The following SQOR variants were observed in gnomAD, a reference collection of about 807,000 sequenced individuals.
The protein encoded by SQOR is sulfide quinone oxidoreductase.
SQOR carries 39 observed loss-of-function variants against 48.6 expected under a neutral mutation model. The ratio of observed to expected loss-of-function variants is 0.80; its 90% CI spans 0.62 to 1.05. The LOEUF (loss-of-function observed/expected upper bound fraction) is 1.05. Among genes scored for constraint, SQOR ranks in the 50% least tolerant of loss-of-function variants. The pLI, the probability that SQOR is intolerant of heterozygous loss-of-function variation, is 0.00. For missense variants in SQOR, 561 were observed against 559.9 expected, an observed-to-expected ratio of 1.00 and a Z score of -0.02; for synonymous variants, 220 against 206.2, an observed-to-expected ratio of 1.07 and a Z score of -0.57.
At chr15:45,680,769 G>C (rs1326203990) in intron 6 of SQOR, among the ~76,000 whole-genome samples, 1 of 152,076 alleles carries the variant, frequency 6.6e-6, no homozygotes, top group African/African-American at 2.4e-5. Context: ...GTTAGCTCAG[G>C]TAAAACTCCA....
intron 4 of SQOR, 99 bp downstream of exon 4, chr15:45,670,080 G>T: frequency 8.8e-7 from 1 of 1,137,444 alleles, no homozygotes; most frequent in Non-Finnish European, 1.3e-6. Flanking sequence ...ACAAGAAAGG[G>T]GTTCTAAGAA....
chr15:45,666,077 T>A (rs1027072943), intron 3 of SQOR, among the ~76,000 whole-genome samples: 1 of 152,198 alleles, frequency 6.6e-6, no homozygotes, highest in African/African-American at 2.4e-5. Flanking sequence ...ATTCTCTCCT[T>A]GTTCCTGCTC....
Position 45,669,997 on chromosome 15 carries a change from G to C in SQOR, c.459+16G>C. ...CTATGAGAAGGTACCGTGTGAAACT[G>C]TTTCTGTGTTACGCTGGCTTATCTA... On this transcript the variant is annotated intron_variant, in intron 4 of 9. Coordinates refer to ENST00000260324, the MANE Select transcript of SQOR (RefSeq NM_021199.4). The C allele has an allele frequency of 6.2e-7, 1 of 1,613,036 alleles. No individual in the cohort carries two copies. The highest frequency in any genetic ancestry group is 8.5e-7 in the Non-Finnish European group (1 of 1,179,078).
At chr15:45,663,366 C>T (rs1046515516) in intron 3 of SQOR, among the ~76,000 whole-genome samples, 1 of 152,082 alleles carries the variant, frequency 6.6e-6, no homozygotes. Context: ...TTTCTGGGTA[C>T]CAGATGAAAG....
chr15:45,634,277 T>A (rs1467300346), upstream of SQOR, among the ~76,000 whole-genome samples: 2 of 138,894 alleles, frequency 1.4e-5, no homozygotes, highest in Non-Finnish European at 3.1e-5. Context: ...CTTTCAAGGG[T>A]TTATTTTTGT....
intron 1 of SQOR, among the ~76,000 whole-genome samples, chr15:45,658,124 T>C (rs528001119): frequency 6.6e-6 from 1 of 152,188 alleles, no homozygotes; most frequent in East Asian, 1.9e-4. Flanking sequence ...TAAGGAGAAA[T>C]TGTTTACTGA....
At chr15:45,652,975 A>G (rs1327060383) in intron 1 of SQOR, among the ~76,000 whole-genome samples, 1 of 151,868 alleles carries the variant, frequency 6.6e-6, no homozygotes, top group Non-Finnish European at 1.5e-5. Context: ...AAAAGAAAAA[A>G]GAAAGATTGT....
chr15:45,637,868 C>G (rs1159511782), intron 1 of SQOR, among the ~76,000 whole-genome samples: 1 of 152,200 alleles, frequency 6.6e-6, no homozygotes, highest in African/African-American at 2.4e-5. Context: ...TTTTTCTTCT[C>G]CTTTCACGTT....
At chr15:45,650,431 G>A (rs949277140) in intron 1 of SQOR, among the ~76,000 whole-genome samples, 4 of 152,174 alleles carry the variant, frequency 2.6e-5, no homozygotes, top group Admixed American at 6.5e-5. Context: ...CCTGGCTCAG[G>A]AGTGAAGCTG....
chr15:45,636,988 CT>C (rs11303902), intron 1 of SQOR, among the ~76,000 whole-genome samples: 4,283 of 141,288 alleles, frequency 0.03, 194 homozygotes, highest in African/African-American at 0.099. Flanking sequence ...GTAACCTTGG[CT>C]TTTTTTTTTT....
intron 1 of SQOR, among the ~76,000 whole-genome samples, chr15:45,655,967 G>T (rs774062467): frequency 1.1e-4 from 17 of 151,382 alleles, no homozygotes; most frequent in Middle Eastern, 3.5e-3. Flanking sequence ...TTACAGGCGT[G>T]AGCCACCGTG....
rs11855175 is a variant in SQOR at position 45,691,078 on chromosome 15, G to T, written c.*48G>T. On this transcript the variant is annotated 3_prime_UTR_variant, in exon 10 of 10. Transcript: ENST00000260324. ...CTTGGATGGCTTCTGGGCCAAAACTGCAGTCACTGAATGACCAAGAGCAGC... is the reference window on the plus strand; with the variant it reads ...CTTGGATGGCTTCTGGGCCAAAACTTCAGTCACTGAATGACCAAGAGCAGC... 70,584 of 1,518,946 alleles carry T rather than the reference G, an allele frequency of 0.046. 2,008 individuals are homozygous for T. The highest frequency in any genetic ancestry group is 0.053 in the Non-Finnish European group (58,191 of 1,093,246). The allele number at this position is 1,518,946 out of a possible 1,614,324, so 94.1% of individuals were successfully genotyped here.
rs28876107 is a variant in SQOR, at chr15:45,677,867, A to T, written c.864+1557A>T. The stretch of plus-strand genomic sequence containing the variant: ...AGGTGTGCACCACCATGCCCGGCTA[A>T]TTTTTTTATTTTTTATTTTTAGTAG... On this transcript the variant is annotated intron_variant, in intron 6 of 9. Coordinates refer to ENST00000260324, the MANE Select transcript of SQOR (RefSeq NM_021199.4). 3.5e-4 allele frequency among the ~76,000 whole-genome samples: 53 copies of T among 152,020 alleles called. 2 individuals carry two copies. The highest frequency in any genetic ancestry group is 1.2e-3 in the African/African-American group (49 of 41,476).
At chr15:45,637,354 CA>C (rs1319479836) in intron 1 of SQOR, among the ~76,000 whole-genome samples, 1 of 152,138 alleles carries the variant, frequency 6.6e-6, no homozygotes, top group Non-Finnish European at 1.5e-5. Flanking sequence ...TTAAGGCACC[CA>C]GCACTGCACT....
intron 3 of SQOR, among the ~76,000 whole-genome samples, chr15:45,662,359 C>G (rs17628584): frequency 0.096 from 14,599 of 152,136 alleles, 836 homozygotes; most frequent in Middle Eastern, 0.13. Flanking sequence ...TGTTGAACAC[C>G]CACTGTGCAC....
chr15:45,660,329 G>T (rs1263505704), intron 2 of SQOR, among the ~76,000 whole-genome samples: 1 of 152,210 alleles, frequency 6.6e-6, no homozygotes, highest in African/African-American at 2.4e-5. Context: ...CTAGGGGGCA[G>T]TCTCTATCAT....
intron 6 of SQOR, among the ~76,000 whole-genome samples, chr15:45,677,506 A>G (rs991064285): frequency 6.6e-6 from 1 of 152,190 alleles, no homozygotes; most frequent in African/African-American, 2.4e-5. Context: ...ACAGTCAGGT[A>G]TTACATTCAA....
chr15:45,632,690 T>G (rs1038619956), upstream of SQOR, among the ~76,000 whole-genome samples: 1 of 152,070 alleles, frequency 6.6e-6, no homozygotes, highest in African/African-American at 2.4e-5. Context: ...GTGAAGCATT[T>G]TGGAAATATA....
chr15:45,671,512 C>A (rs1453829313), intron 4 of SQOR, among the ~76,000 whole-genome samples: 1 of 152,190 alleles, frequency 6.6e-6, no homozygotes, highest in African/African-American at 2.4e-5. Context: ...TTTTTATCTT[C>A]ACTTAATAGA....
Sources: gnomAD v4.1 joint callset for allele counts (sites outside exome capture counted in the v4.1 genomes callset) on GRCh38, gnomAD v4.1.1 for gene constraint, MANE v1.5 for transcripts, NCBI Gene and HGNC (gene_info 2026-07-23, HGNC 2026-07-21) for gene names.